MAN1A1: variants seen among roughly 807,000 people sequenced by gnomAD.
MAN1A1 encodes mannosidase alpha class 1A member 1, also known as mannosyl-oligosaccharide 1,2-alpha-mannosidase IA.
In MAN1A1, 29 loss-of-function variants were observed where a neutral mutation model predicts 70.8. The observed-to-expected ratio is 0.41, with a 90% CI of 0.31 to 0.56. MAN1A1 has a LOEUF of 0.56. MAN1A1 is among the 20% of genes least tolerant of loss of function. The probability of loss-of-function intolerance (pLI) is 0.29; values close to 1 mark genes in which losing one functional copy is unlikely to be tolerated. For synonymous variants in MAN1A1, 349 were observed against 330.1 expected, an observed-to-expected ratio of 1.06 and a Z score of -0.62; for missense variants, 747 against 841.3, an observed-to-expected ratio of 0.89 and a Z score of 1.39.
intron 2 of MAN1A1, among the ~76,000 whole-genome samples, chr6:119,309,779 ATTATTTTAACC>A (rs1772651000): frequency 6.6e-6 from 1 of 151,882 alleles, no homozygotes; most frequent in South Asian, 2.2e-4. Flanking sequence ...ATTGCAACCC[ATTATTTTAACC>A]CAGAAAATAT....
intron 5 of MAN1A1, among the ~76,000 whole-genome samples, chr6:119,274,211 TTAAC>T (rs1475063666): frequency 6.6e-6 from 1 of 152,208 alleles, no homozygotes; most frequent in African/African-American, 2.4e-5. Context: ...CTGTAAATCT[TTAAC>T]TATAATGAGT....
intron 2 of MAN1A1, among the ~76,000 whole-genome samples, chr6:119,328,358 C>T (rs1471564597): frequency 6.6e-6 from 1 of 152,186 alleles, no homozygotes; most frequent in Admixed American, 6.5e-5. Flanking sequence ...TCCTCACATC[C>T]AGGAAAGGTA....
chr6:119,290,734 A>G lies in MAN1A1; in HGVS notation c.846T>C (p.Asn282=). The G allele has an allele frequency of 6.2e-7, 1 of 1,611,128 alleles. No homozygotes were observed. Among genetic ancestry groups the G allele is most frequent in the Non-Finnish European group, 8.5e-7 (1 of 1,178,108 alleles). ...AGAGTAGTCCACCAACAAAGCGTATATTTACTTCAAAGACAGAAATTTCAG... is the reference window on the plus strand; with the variant it reads ...AGAGTAGTCCACCAACAAAGCGTATGTTTACTTCAAAGACAGAAATTTCAG... ...VNAEISVFEV[N]IRFVGGLLSA... is the part of the protein sequence containing the mutation. Residue 282 remains asparagine, a synonymous_variant, in exon 5 of 13, where the codon AAT becomes AAC. Transcript: ENST00000368468.
chr6:119,210,757 C>A, intron 6 of MAN1A1: 2 of 195,510 alleles, frequency 1.0e-5, no homozygotes, highest in Non-Finnish European at 1.1e-5. Flanking sequence ...ACAAAGATGC[C>A]AGCTGGAAGA....
chr6:119,257,361 T>C (rs1775488010), intron 5 of MAN1A1, among the ~76,000 whole-genome samples: 1 of 152,182 alleles, frequency 6.6e-6, no homozygotes, highest in Admixed American at 6.5e-5. Context: ...AAGGAAGTCC[T>C]AACACTACTT....
intron 6 of MAN1A1, among the ~76,000 whole-genome samples, chr6:119,246,224 G>T (rs1775163551): frequency 6.6e-6 from 1 of 152,068 alleles, no homozygotes. Flanking sequence ...AGATTTAGTA[G>T]GCCTTTCTCC....
chr6:119,189,591 G>T, intron 10 of MAN1A1, 73 bp downstream of exon 10: 1 of 1,359,318 alleles, frequency 7.4e-7, no homozygotes, highest in Non-Finnish European at 1.0e-6. Flanking sequence ...TCTTTTGAGG[G>T]CAGCAATGAC....
intron 6 of MAN1A1, among the ~76,000 whole-genome samples, chr6:119,234,890 C>T (rs1304346057): frequency 1.3e-5 from 2 of 152,106 alleles, no homozygotes. Context: ...CCTGTGCTCA[C>T]GTTGTGTCTC....
intron 9 of MAN1A1, among the ~76,000 whole-genome samples, chr6:119,191,013 T>C (rs1773426341): frequency 6.6e-6 from 1 of 152,112 alleles, no homozygotes; most frequent in Non-Finnish European, 1.5e-5. Flanking sequence ...AAAAAACTTG[T>C]GATAGAGAAG....
intron 6 of MAN1A1, among the ~76,000 whole-genome samples, chr6:119,209,420 T>C (rs562112619): frequency 6.6e-6 from 1 of 152,212 alleles, no homozygotes; most frequent in Admixed American, 6.5e-5. Flanking sequence ...GTCCAGAATA[T>C]AGCTGACTCC....
intron 5 of MAN1A1, among the ~76,000 whole-genome samples, chr6:119,280,420 G>A (rs1776198851): frequency 6.6e-6 from 1 of 152,176 alleles, no homozygotes; most frequent in African/African-American, 2.4e-5. Flanking sequence ...ATTAATATTT[G>A]AATTAACATT....
chr6:119,230,029 A>G (rs2114278266), intron 6 of MAN1A1, among the ~76,000 whole-genome samples: 1 of 152,246 alleles, frequency 6.6e-6, no homozygotes, highest in East Asian at 1.9e-4. Context: ...TTTCTAGTCA[A>G]ATGATCTGAT....
intron 3 of MAN1A1, among the ~76,000 whole-genome samples, chr6:119,302,748 A>G (rs1772426448): frequency 6.6e-6 from 1 of 152,230 alleles, no homozygotes; most frequent in South Asian, 2.1e-4. Context: ...TTTAAGACTG[A>G]TGTAATTACA....
intron 6 of MAN1A1, among the ~76,000 whole-genome samples, chr6:119,221,475 T>TC (rs1774358715): frequency 6.7e-6 from 1 of 149,702 alleles, no homozygotes; most frequent in Admixed American, 6.6e-5. Context: ...TTCTTTTCTT[T>TC]TTTTTTTTTT....
intron 6 of MAN1A1, among the ~76,000 whole-genome samples, chr6:119,237,844 T>C (rs770161933): frequency 1.3e-5 from 2 of 152,212 alleles, no homozygotes; most frequent in South Asian, 4.1e-4. Flanking sequence ...GGTAGCATGC[T>C]ACATTTTTTT....
chr6:119,265,014 G>T (rs532925247), intron 5 of MAN1A1, among the ~76,000 whole-genome samples: 4 of 152,016 alleles, frequency 2.6e-5, no homozygotes, highest in African/African-American at 4.8e-5. Context: ...AATGAGGCCT[G>T]TCTTATTTTA....
rs565794804 is a variant in MAN1A1 at position 119,210,958 on chromosome 6, T to C, written c.993-6076A>G. The C allele has an allele frequency of 1.8e-3, 808 of 446,244 alleles. 1 individual carries two copies. Among genetic ancestry groups the C allele is most frequent in the Admixed American group, 4.6e-3 (189 of 41,378 alleles). The allele number at this position is 446,244 out of a possible 1,614,324, so 27.6% of individuals were successfully genotyped here. ...GTTGTAAATCATCATATTGAGTCTTTTTAAAACTGGGGAGGAGAAATCTAC... is the reference window on the plus strand; with the variant it reads ...GTTGTAAATCATCATATTGAGTCTTCTTAAAACTGGGGAGGAGAAATCTAC... On this transcript the variant is annotated intron_variant, in intron 6 of 12. Transcript: ENST00000368468.
At chr6:119,332,905 C>A (rs1233996783) in intron 2 of MAN1A1, among the ~76,000 whole-genome samples, 1 of 151,950 alleles carries the variant, frequency 6.6e-6, no homozygotes, top group African/African-American at 2.4e-5. Flanking sequence ...TGGAAGACTC[C>A]GGGCTGCATA....
chr6:119,349,888 G>A, upstream of MAN1A1: 1 of 393,454 alleles, frequency 2.5e-6, no homozygotes, highest in Non-Finnish European at 3.5e-6. Context: ...CGAGGAGGGG[G>A]ATGCGCGGGG....
Sources: allele counts gnomAD v4.1 joint callset (sites outside exome capture counted in the v4.1 genomes callset), GRCh38; gene constraint gnomAD v4.1.1; transcripts MANE v1.5; gene names NCBI Gene and HGNC (gene_info 2026-07-23, HGNC 2026-07-21).